Variants in FILIP1L observed in about 807,000 individuals in gnomAD.
FILIP1L encodes filamin A-interacting protein 1-like.
FILIP1L carries 55 observed loss-of-function variants against 96.6 expected under a neutral mutation model. That is an observed-to-expected ratio of 0.57 (90% CI 0.46 to 0.71). The LOEUF (loss-of-function observed/expected upper bound fraction) is 0.71. Among genes scored for constraint, FILIP1L ranks in the 30% least tolerant of loss-of-function variants. The probability of loss-of-function intolerance (pLI) is 0.00; values close to 1 mark genes in which losing one functional copy is unlikely to be tolerated. For missense variants in FILIP1L, 1,304 were observed against 1,321.2 expected, an observed-to-expected ratio of 0.99 and a Z score of 0.20; for synonymous variants, 467 against 473.9, an observed-to-expected ratio of 0.99 and a Z score of 0.19.
In FILIP1L at chr3:99,850,519, T is replaced by G; in HGVS notation, c.1157A>C (p.Asp386Ala). 6.2e-7 allele frequency: 1 copy of G among 1,613,284 alleles called. No individual in the cohort carries two copies. Among genetic ancestry groups the G allele is most frequent in the Non-Finnish European group, 8.5e-7 (1 of 1,179,884 alleles). Reference sequence around the variant, plus strand: ...CTCCTCCATTTTTATGAGCTCTTCATCTTTCCCTTCCATATCTAGCACACG... The same window carrying G: ...CTCCTCCATTTTTATGAGCTCTTCAGCTTTCCCTTCCATATCTAGCACACG... Reference protein sequence around the residue: ...RKRVLDMEGKDEELIKMEEQC... With the variant: ...RKRVLDMEGKAEELIKMEEQC... The change falls in exon 5 of 6, where the codon GAT (aspartate) becomes GCT (alanine). Residue 386 changes from aspartate (D) to alanine (A), a missense_variant. By Grantham distance (126) the Asp-to-Ala change is moderately radical. Coordinates refer to ENST00000477258, the MANE Select transcript of FILIP1L (RefSeq NM_001387850.1).
At chr3:100,001,295 T>A (rs1709835217) in intron 1 of FILIP1L, among the ~76,000 whole-genome samples, 1 of 152,230 alleles carries the variant, frequency 6.6e-6, no homozygotes, top group South Asian at 2.1e-4. Context: ...GCTATACTCC[T>A]TCATTTACAT....
chr3:99,933,540 A>C (rs1174420403), intron 1 of FILIP1L, among the ~76,000 whole-genome samples: 1 of 152,140 alleles, frequency 6.6e-6, no homozygotes, highest in Non-Finnish European at 1.5e-5. Flanking sequence ...AAAAATGAAA[A>C]ATTATACATA....
Position 99,850,217 on chromosome 3 carries a change from T to G in FILIP1L, c.1459A>C (p.Lys487Gln), listed in dbSNP as rs1433432547. 6.2e-7 allele frequency: 1 copy of G among 1,613,264 alleles called. No individual in the cohort carries two copies. The highest frequency in any genetic ancestry group is 1.7e-5 in the Admixed American group (1 of 59,970). Reference protein sequence around the residue: ...SRLEKTEFTLKEDLTKLKTLT... With the variant: ...SRLEKTEFTLQEDLTKLKTLT... ...GTTTTCAGTTTAGTTAAATCCTCTT[T>G]TAGAGTGAATTCTGTCTTTTCTAGC... The change falls in exon 5 of 6, where the codon AAA (lysine) becomes CAA (glutamine). Residue 487 changes from lysine (K) to glutamine (Q), a missense_variant. Physicochemically the swap from Lys to Gln is moderately conservative, Grantham distance 53. Transcript: ENST00000477258.
chr3:100,075,601 T>C (rs2107387222), intron 1 of FILIP1L: 1 of 152,036 alleles, frequency 6.6e-6, no homozygotes, highest in East Asian at 1.9e-4. Flanking sequence ...TACCCACTGA[T>C]GGCAGACTCT....
intron 1 of FILIP1L, among the ~76,000 whole-genome samples, chr3:99,952,729 TGAA>T (rs1345650444): frequency 1.3e-5 from 2 of 152,084 alleles, no homozygotes; most frequent in Admixed American, 6.6e-5. Context: ...TAGCTTTGAG[TGAA>T]GAAGGGAAAA....
At chr3:99,957,048 T>C (rs1378026541) in intron 1 of FILIP1L, among the ~76,000 whole-genome samples, 1 of 152,268 alleles carries the variant, frequency 6.6e-6, no homozygotes, top group Non-Finnish European at 1.5e-5. Context: ...ATCTTGATGC[T>C]ATTTTGTACC....
At chr3:100,019,936 G>A (rs568632075) in intron 1 of FILIP1L, among the ~76,000 whole-genome samples, 12 of 152,166 alleles carry the variant, frequency 7.9e-5, no homozygotes, top group African/African-American at 2.9e-4. Flanking sequence ...TTGAGGGCAG[G>A]GGGGAATGTG....
At chr3:100,039,617 G>A (rs886283914) in intron 1 of FILIP1L, among the ~76,000 whole-genome samples, 5 of 152,074 alleles carry the variant, frequency 3.3e-5, no homozygotes, top group Admixed American at 2.6e-4. Context: ...ATCTAGAAAA[G>A]CATTGTCCCT....
intron 1 of FILIP1L, chr3:100,075,576 T>TC (rs1413006380): frequency 3.3e-5 from 5 of 151,914 alleles, no homozygotes; most frequent in African/African-American, 1.2e-4. Context: ...TTTTTTTTTT[T>TC]TTAACTGTCT....
intron 4 of FILIP1L, among the ~76,000 whole-genome samples, chr3:99,888,816 ACT>A (rs1228217079): frequency 2.6e-5 from 4 of 152,082 alleles, no homozygotes; most frequent in Non-Finnish European, 1.5e-5. Context: ...CAAAAAAATA[ACT>A]CTGCTAAGAA....
intron 1 of FILIP1L, among the ~76,000 whole-genome samples, chr3:100,101,318 G>A (rs546609886): frequency 4.6e-5 from 7 of 152,268 alleles, no homozygotes; most frequent in South Asian, 2.1e-4. Context: ...CATTGACTTC[G>A]TTGACTGAGG....
chr3:99,987,937 TG>T (rs1709393803), intron 1 of FILIP1L, among the ~76,000 whole-genome samples: 1 of 152,202 alleles, frequency 6.6e-6, no homozygotes, highest in African/African-American at 2.4e-5. Flanking sequence ...TCTTGAAAGA[TG>T]TTGAGGATAC....
At chr3:100,040,644 A>G (rs1332750655) in intron 1 of FILIP1L, 1 of 152,230 alleles carries the variant, frequency 6.6e-6, no homozygotes, top group Non-Finnish European at 1.5e-5. Context: ...TTGGTTGACA[A>G]TACACACATA....
chr3:100,084,263 C>A (rs564093114), intron 1 of FILIP1L, among the ~76,000 whole-genome samples: 6 of 151,976 alleles, frequency 3.9e-5, no homozygotes, highest in Non-Finnish European at 5.9e-5. Context: ...TTTAAAAGTC[C>A]CTTTTAGTCT....
intron 4 of FILIP1L, among the ~76,000 whole-genome samples, chr3:99,916,431 G>T (rs1490914921): frequency 1.6e-5 from 2 of 128,092 alleles, no homozygotes; most frequent in African/African-American, 3.2e-5. Context: ...TTATAATAAC[G>T]GTTTATACAC....
chr3:100,047,310 G>A (rs757303698), intron 1 of FILIP1L, among the ~76,000 whole-genome samples: 31 of 152,094 alleles, frequency 2.0e-4, no homozygotes, highest in Non-Finnish European at 3.8e-4. Context: ...TTGAAGAAAA[G>A]GTGCTTCCAA....
In FILIP1L at chr3:100,085,793, G is replaced by A. The variant is rs1334344513; in HGVS notation, c.-11+28260C>T. 2.6e-5 allele frequency among the ~76,000 whole-genome samples: 4 copies of A among 152,200 alleles called. No individual in the cohort carries two copies. The East Asian group carries it at 5.8e-4, about 22-fold the overall frequency. ...CCTCCTAAGTGGCCAAATAAAAGAA[G>A]TTACATATGTCTTTTATTCACTCTG... On this transcript the variant is annotated intron_variant, in intron 1 of 5. Transcript: ENST00000477258.
chr3:99,968,529 T>G (rs1000375852), intron 1 of FILIP1L, among the ~76,000 whole-genome samples: 22 of 151,902 alleles, frequency 1.4e-4, no homozygotes, highest in African/African-American at 5.3e-4. Context: ...TAATCTGGGC[T>G]GGAAATACAG....
intron 4 of FILIP1L, among the ~76,000 whole-genome samples, chr3:99,856,298 G>C (rs1943962754): frequency 6.6e-6 from 1 of 152,236 alleles, no homozygotes; most frequent in African/African-American, 2.4e-5. Context: ...AGAACACAAA[G>C]AGTATAGGTA....
Sources: allele counts gnomAD v4.1 joint callset (sites outside exome capture counted in the v4.1 genomes callset), GRCh38; gene constraint gnomAD v4.1.1; transcripts MANE v1.5; gene names NCBI Gene and HGNC (gene_info 2026-07-23, HGNC 2026-07-21).